The following SRRM4 variants were observed in gnomAD, a reference collection of about 807,000 sequenced individuals.
The protein encoded by SRRM4 is serine/arginine repetitive matrix 4.
In SRRM4, 33 loss-of-function variants were observed where a neutral mutation model predicts 68.9. The ratio of observed to expected loss-of-function variants is 0.48; its 90% confidence interval spans 0.36 to 0.64. SRRM4 has a LOEUF of 0.64. Ranked by LOEUF, SRRM4 falls within the 30% of genes least tolerant of loss-of-function variation. The pLI is 0.00. For synonymous variants in SRRM4, 318 were observed against 318.8 expected (o/e 1.00, Z 0.03); for missense variants, 817 against 827.1 (o/e 0.99, Z 0.15).
At chr12:119,055,149 C>T (rs542985532) in intron 1 of SRRM4, among the ~76,000 whole-genome samples, 5 of 152,110 alleles carry the variant, frequency 3.3e-5, no homozygotes, top group Non-Finnish European at 7.4e-5. Flanking sequence ...AATTTATGCC[C>T]TCTGTGAAAT....
rs1310807291 is a variant in SRRM4, at chr12:119,072,453, G to A, written c.132-29783G>A. ...GAAGGATGAAGAAAGGGAGCAGGGAGGGAAGATCTATTTTTTTCCCCAGGC... is the reference window on the plus strand; with the variant it reads ...GAAGGATGAAGAAAGGGAGCAGGGAAGGAAGATCTATTTTTTTCCCCAGGC... On this transcript the variant is annotated intron_variant, in intron 1 of 12. Transcript: ENST00000267260. Among the ~76,000 whole-genome samples, 3 of 152,190 alleles carry A rather than the reference G, an allele frequency of 2.0e-5. No individual in the cohort carries two copies. In the East Asian group the frequency reaches 5.8e-4, roughly 29 times the overall value.
intron 8 of SRRM4, chr12:119,132,192 C>T (rs1441903394): frequency 1.3e-5 from 2 of 152,172 alleles, no homozygotes; most frequent in African/African-American, 2.4e-5. Flanking sequence ...TACTCTCTCT[C>T]TCACAAATAT....
intron 1 of SRRM4, among the ~76,000 whole-genome samples, chr12:119,086,270 A>C (rs907706818): frequency 6.6e-6 from 1 of 152,196 alleles, no homozygotes; most frequent in South Asian, 2.1e-4. Context: ...GCAAGTAAAA[A>C]TATGGCTATG....
chr12:119,130,430 GATGGATGGATGGATGGTTAAATGGATGA>G (rs1954289712), intron 7 of SRRM4, among the ~76,000 whole-genome samples: 2 of 151,984 alleles, frequency 1.3e-5, no homozygotes, highest in African/African-American at 4.8e-5. Context: ...TGGATGGATG[GATGGATGGATGGATGGTTAAATGGATGA>G]ATGGATGGTT....
intron 1 of SRRM4, among the ~76,000 whole-genome samples, chr12:119,036,181 A>T (rs1594037233): frequency 6.6e-6 from 1 of 152,188 alleles, no homozygotes; most frequent in Admixed American, 6.5e-5. Flanking sequence ...GCAAAATTTC[A>T]GCAGTGTCCC....
intron 1 of SRRM4, among the ~76,000 whole-genome samples, chr12:119,038,735 A>G (rs574683954): frequency 1.3e-5 from 2 of 152,066 alleles, no homozygotes; most frequent in African/African-American, 4.8e-5. Context: ...TCATGTCTTC[A>G]TGGGGTGCTA....
chr12:119,080,454 T>A (rs942993230), intron 1 of SRRM4, among the ~76,000 whole-genome samples: 2 of 152,338 alleles, frequency 1.3e-5, no homozygotes, highest in East Asian at 3.9e-4. Flanking sequence ...ACTCATTTAA[T>A]CCTCACAACA....
At position 119,158,911 on chromosome 12, in the gene SRRM4, G is replaced by A. The variant is rs1407069684; in HGVS notation, c.*2113G>A. On this transcript the variant is annotated 3_prime_UTR_variant, in exon 13 of 13. Coordinates refer to ENST00000267260, the MANE Select transcript of SRRM4 (RefSeq NM_194286.4). Reference sequence around the variant, plus strand: ...TTATTTATCTATTTATTTATTTGATGACTGTCTCTCTTTCTCGCCATTAGC... The same window carrying A: ...TTATTTATCTATTTATTTATTTGATAACTGTCTCTCTTTCTCGCCATTAGC... The A allele has an allele frequency of 1.3e-5, 2 of 151,372 alleles. No homozygotes were observed. Among genetic ancestry groups the A allele is most frequent in the East Asian group, 3.9e-4 (2 of 5,174 alleles). 9.4% of individuals were successfully genotyped at this position (151,372 alleles called of 1,614,324 possible).
At position 119,114,378 on chromosome 12, in the gene SRRM4, G is replaced by C. The variant is rs755233462; in HGVS notation, c.365+14G>C. 6.3e-7 allele frequency: 1 copy of C among 1,595,112 alleles called. No individual in the cohort carries two copies. Among genetic ancestry groups the C allele is most frequent in the South Asian group, 1.1e-5 (1 of 87,974 alleles). ...GAAGAGAAGGAGGTAAGAGCACCAA[G>C]AGGGAGATAAAACCTGTAAGATGCA... On this transcript the variant is annotated intron_variant, in intron 3 of 12. Coordinates refer to ENST00000267260, the MANE Select transcript of SRRM4 (RefSeq NM_194286.4).
chr12:119,058,850 C>T (rs1445262901), intron 1 of SRRM4, among the ~76,000 whole-genome samples: 1 of 152,118 alleles, frequency 6.6e-6, no homozygotes, highest in African/African-American at 2.4e-5. Flanking sequence ...TCTAAGGCTT[C>T]CCCTGCCAAT....
At chr12:119,094,912 A>G (rs1015733577) in intron 1 of SRRM4, among the ~76,000 whole-genome samples, 6 of 152,244 alleles carry the variant, frequency 3.9e-5, no homozygotes, top group Non-Finnish European at 8.8e-5. Flanking sequence ...TGAGTAATGA[A>G]TGAAATAATG....
In SRRM4 at chr12:119,156,758, G is replaced by A; in HGVS notation, c.1796G>A (p.Ser599Asn). 1.3e-6 allele frequency: 2 copies of A among 1,545,216 alleles called. No homozygotes were observed. The highest frequency in any genetic ancestry group is 1.7e-6 in the Non-Finnish European group (2 of 1,146,176). Residue 599 changes from serine (S) to asparagine (N), a missense_variant, in exon 13 of 13, where the codon AGC becomes AAC. By Grantham distance (46) the Ser-to-Asn change is conservative. Transcript: ENST00000267260. ...AGCCGGAGCAGGAGCCAGAGCCGGAGCTACAGCTCAGCAGACAGCTACTCC... is the reference window on the plus strand; with the variant it reads ...AGCCGGAGCAGGAGCCAGAGCCGGAACTACAGCTCAGCAGACAGCTACTCC... ...SRSRSRSQSR[S>N]YSSADSYSST...
intron 1 of SRRM4, among the ~76,000 whole-genome samples, chr12:119,073,884 G>A (rs886116242): frequency 2.0e-5 from 3 of 152,018 alleles, no homozygotes; most frequent in Non-Finnish European, 2.9e-5. Context: ...TGCCTTCCTT[G>A]GCCTCCCAAA....
chr12:119,127,361 A>G (rs1402260348), intron 7 of SRRM4, among the ~76,000 whole-genome samples: 1 of 152,154 alleles, frequency 6.6e-6, no homozygotes, highest in African/African-American at 2.4e-5. Context: ...CTCCGTTCAC[A>G]TCACAAGGGT....
chr12:119,060,238 G>A (rs1425152642), intron 1 of SRRM4, among the ~76,000 whole-genome samples: 1 of 151,644 alleles, frequency 6.6e-6, no homozygotes, highest in East Asian at 1.9e-4. Context: ...AATATACGAT[G>A]CACAAACTCT....
At chr12:119,016,480 A>G (rs1953482319) in intron 1 of SRRM4, among the ~76,000 whole-genome samples, 1 of 152,070 alleles carries the variant, frequency 6.6e-6, no homozygotes. Context: ...AAAAAGAAAA[A>G]GAAAAAATAG....
At chr12:119,122,727 CTGTG>C (rs1282003329) in intron 6 of SRRM4, among the ~76,000 whole-genome samples, 1 of 151,772 alleles carries the variant, frequency 6.6e-6, no homozygotes, top group African/African-American at 2.4e-5. Context: ...TGTGTGTGCG[CTGTG>C]TAAGTACCTG....
rs148265401 is a variant in SRRM4 at position 119,091,142 on chromosome 12, A to G, written c.132-11094A>G. ...GAGTGTGTGTGTGTCTGCAGAGCAG[A>G]AAGTCCTAACTGAGCCATCCTCTCA... On this transcript the variant is annotated intron_variant, in intron 1 of 12. Transcript: ENST00000267260. 7.0e-4 allele frequency among the ~76,000 whole-genome samples: 106 copies of G among 152,288 alleles called. No individual in the cohort carries two copies. In the East Asian group the frequency reaches 0.019, roughly 27 times the overall value.
intron 1 of SRRM4, among the ~76,000 whole-genome samples, chr12:119,002,878 A>G (rs1395297221): frequency 6.6e-6 from 1 of 152,038 alleles, no homozygotes. Context: ...CCCAGCATCT[A>G]TTAGGCGTCT....
Sources: gnomAD v4.1 joint callset for allele counts (sites outside exome capture counted in the v4.1 genomes callset) on GRCh38, gnomAD v4.1.1 for gene constraint, MANE v1.5 for transcripts, NCBI Gene and HGNC (gene_info 2026-07-23, HGNC 2026-07-21) for gene names.